Variants in IQSEC1 observed in about 807,000 individuals in gnomAD.
The protein encoded by IQSEC1 is IQ motif and Sec7 domain ArfGEF 1.
A neutral mutation model predicts 91.0 loss-of-function variants in IQSEC1; 31 were observed. The observed-to-expected ratio is 0.34, with a 90% CI of 0.26 to 0.46. IQSEC1 has a LOEUF of 0.46. IQSEC1 is among the 20% of genes least tolerant of loss of function. The pLI, the probability that IQSEC1 is intolerant of heterozygous loss-of-function variation, is 1.00. For synonymous variants in IQSEC1, 699 were observed against 662.6 expected, an observed-to-expected ratio of 1.05 and a Z score of -0.84; for missense variants, 1,388 against 1,575.6, an observed-to-expected ratio of 0.88 and a Z score of 2.02.
At chr3:13,010,197 TC>T (rs1442981585) in intron 1 of IQSEC1, among the ~76,000 whole-genome samples, 5 of 152,142 alleles carry the variant, frequency 3.3e-5, no homozygotes, top group Non-Finnish European at 7.4e-5. Flanking sequence ...AGCCCACAAG[TC>T]TTAGCAGGTC....
At chr3:13,072,844 G>A in intron 1 of IQSEC1, 148 bp downstream of exon 1, 5 of 678,438 alleles carry the variant, frequency 7.4e-6, no homozygotes, top group South Asian at 3.4e-5. Flanking sequence ...GCCGAGCGCC[G>A]GCATCCCTGC....
At position 13,069,013 on chromosome 3, in the gene IQSEC1, C is replaced by A. The variant is rs1039000307; in HGVS notation, c.23+3979G>T. On this transcript the variant is annotated intron_variant, in intron 1 of 13. Transcript: ENST00000613206. ...GAAGGCAGGGAAGTGAAGGCCCAGG[C>A]CTGGTTATGCGGCCTTGGCTGCATA... is the stretch of plus-strand genomic sequence containing the variant. 3.9e-5 allele frequency among the ~76,000 whole-genome samples: 6 copies of A among 152,252 alleles called. No individual in the cohort carries two copies. The East Asian group carries it at 9.6e-4, about 24-fold the overall frequency.
Position 12,908,575 on chromosome 3 carries a change from G to T in IQSEC1, c.2579-50C>A. 2 of 1,597,638 alleles carry T rather than the reference G, an allele frequency of 1.3e-6. No individual in the cohort carries two copies. Among genetic ancestry groups the T allele is most frequent in the African/African-American group, 1.3e-5 (1 of 74,744 alleles). On this transcript the variant is annotated intron_variant, in intron 11 of 13. Transcript: ENST00000613206. The surrounding 1 kb of genome is among the most constrained non-coding windows in gnomAD (Gnocchi z 4.9). Reference sequence around the variant, plus strand: ...TGGTGAGAGGAGCACAGCCTAGAGTGGGCAGGAGACGGGGCCTTCTGCTTG... The same window carrying T: ...TGGTGAGAGGAGCACAGCCTAGAGTTGGCAGGAGACGGGGCCTTCTGCTTG...
chr3:13,222,808 G>A (rs1408490263), intron 1 of IQSEC1, among the ~76,000 whole-genome samples: 1 of 152,170 alleles, frequency 6.6e-6, no homozygotes, highest in Non-Finnish European at 1.5e-5. Flanking sequence ...CGTGTGTGGG[G>A]CCCCAGACCC....
chr3:13,077,823 G>A (rs1269593232), upstream of IQSEC1, among the ~76,000 whole-genome samples: 5 of 152,234 alleles, frequency 3.3e-5, no homozygotes, highest in Non-Finnish European at 7.3e-5. Context: ...TGTCTTGGGG[G>A]AGAAGATCAG....
At chr3:12,905,783 G>T (rs11128625) in intron 12 of IQSEC1, among the ~76,000 whole-genome samples, 2,758 of 152,358 alleles carry the variant, frequency 0.018, 56 homozygotes, top group African/African-American at 0.054. Context: ...GGTCCTCTCC[G>T]TAAGGACTCA....
In IQSEC1 at chr3:13,181,749, A is replaced by C. The variant is rs374603650; in HGVS notation, c.273-17616T>G. Among the ~76,000 whole-genome samples the C allele has an allele frequency of 2.0e-5, 3 of 152,382 alleles. No individual in the cohort carries two copies. The East Asian group carries it at 5.8e-4, about 29-fold the overall frequency. On this transcript the variant is annotated intron_variant, in intron 1 of 15. Coordinates refer to the IQSEC1 transcript ENST00000648114. ...AGCACCTAGCCCAGCAAAAGCCCTC[A>C]GCATATATCTGATGAATGAATTTGT...
intron 1 of IQSEC1, among the ~76,000 whole-genome samples, chr3:13,222,772 A>G (rs1378977159): frequency 9.9e-5 from 15 of 152,152 alleles, no homozygotes; most frequent in Admixed American, 9.8e-4. Context: ...CGATGTGCCA[A>G]TGAGCTCAGG....
At chr3:13,272,233 T>A (rs1695601008) in intron 1 of IQSEC1, among the ~76,000 whole-genome samples, 1 of 152,160 alleles carries the variant, frequency 6.6e-6, no homozygotes, top group Admixed American at 6.5e-5. Flanking sequence ...CCCCCATATA[T>A]ACCATGGAGA....
At chr3:13,198,142 T>C (rs1184190215) in intron 1 of IQSEC1, among the ~76,000 whole-genome samples, 1 of 149,980 alleles carries the variant, frequency 6.7e-6, no homozygotes, top group Admixed American at 6.6e-5. Flanking sequence ...TTTTCTCTAA[T>C]TCTAACAATT....
chr3:13,023,518 G>A (rs1182552388), intron 1 of IQSEC1, among the ~76,000 whole-genome samples: 1 of 152,188 alleles, frequency 6.6e-6, no homozygotes, highest in Non-Finnish European at 1.5e-5. Context: ...ATAGTGGGCA[G>A]CAGAGCTTCC....
At chr3:13,135,330 G>T (rs1706689335) in intron 2 of IQSEC1, among the ~76,000 whole-genome samples, 2 of 152,272 alleles carry the variant, frequency 1.3e-5, no homozygotes, top group African/African-American at 4.8e-5. Context: ...GGCCCTATGG[G>T]TGGGGCTCAG....
rs1056317288 is a variant in IQSEC1 at position 12,898,889 on chromosome 3, C to T, written c.*2094G>A. 1 of 153,480 alleles carries T rather than the reference C, an allele frequency of 6.5e-6. No homozygotes were observed. The highest frequency in any genetic ancestry group is 1.4e-5 in the Non-Finnish European group (1 of 69,080). The allele number at this position is 153,480 out of a possible 1,614,324, so 9.5% of individuals were successfully genotyped here. On this transcript the variant is annotated 3_prime_UTR_variant, in exon 14 of 14. Coordinates refer to ENST00000613206, the MANE Select transcript of IQSEC1 (RefSeq NM_001134382.3). ...AGACAGAGTGCTTTGGGGAGCCTGG[C>T]TTTTAAAAAAGACCCGAGAATTGAT...
At chr3:13,104,534 G>A (rs1371367571) in intron 2 of IQSEC1, among the ~76,000 whole-genome samples, 2 of 152,084 alleles carry the variant, frequency 1.3e-5, no homozygotes, top group Non-Finnish European at 2.9e-5. Flanking sequence ...TTCCACCGCT[G>A]ACCCAGCACT....
chr3:12,900,510 T>C lies in IQSEC1; in HGVS notation c.*473A>G. On this transcript the variant is annotated 3_prime_UTR_variant, in exon 14 of 14. Coordinates refer to ENST00000613206, the MANE Select transcript of IQSEC1 (RefSeq NM_001134382.3). ...TTATATAAAGTTTACTTACGTATTT[T>C]CATCAACCATATCAGGTCTACTTAT... 1 of 884,902 alleles carries C rather than the reference T, an allele frequency of 1.1e-6. No individual in the cohort carries two copies. Among genetic ancestry groups the C allele is most frequent in the Non-Finnish European group, 1.4e-6 (1 of 739,026 alleles). 54.8% of individuals were successfully genotyped at this position (884,902 alleles called of 1,614,324 possible).
At position 13,044,151 on chromosome 3, in the gene IQSEC1, TCA is replaced by T. The variant is rs1440684113; in HGVS notation, c.23+28839_23+28840del. On this transcript the variant is annotated intron_variant, in intron 1 of 13. Transcript: ENST00000613206. ...GTCTCCCACCTCAGGTGGCATTTTCTCAGTGTCATTAGCAAAAATGCTGCTTC... is the reference window on the plus strand; with the variant it reads ...GTCTCCCACCTCAGGTGGCATTTTCTGTGTCATTAGCAAAAATGCTGCTTC... 2.0e-5 allele frequency among the ~76,000 whole-genome samples: 3 copies of T among 152,188 alleles called. No individual in the cohort carries two copies. In the East Asian group the frequency reaches 5.8e-4, roughly 29 times the overall value.
At chr3:13,065,927 C>T (rs1412740657) in intron 1 of IQSEC1, among the ~76,000 whole-genome samples, 1 of 152,068 alleles carries the variant, frequency 6.6e-6, no homozygotes, top group African/African-American at 2.4e-5. Context: ...CTGCCCATTG[C>T]CGCAGCAGGG....
At chr3:13,185,308 C>A (rs760777476) in intron 1 of IQSEC1, among the ~76,000 whole-genome samples, 2 of 152,192 alleles carry the variant, frequency 1.3e-5, no homozygotes, top group Non-Finnish European at 2.9e-5. Context: ...TCAGAGGCTG[C>A]CTCCTCTGAG....
intron 3 of IQSEC1, among the ~76,000 whole-genome samples, chr3:12,931,297 C>T (rs888980003): frequency 2.6e-5 from 4 of 152,172 alleles, no homozygotes; most frequent in Non-Finnish European, 4.4e-5. Flanking sequence ...AAAGACCCAG[C>T]TCAAAGTGCT....
Sources: gnomAD v4.1 joint callset for allele counts (sites outside exome capture counted in the v4.1 genomes callset) on GRCh38, gnomAD v4.1.1 for gene constraint, Gnocchi (gnomAD v3.1) non-coding constraint, MANE v1.5 for transcripts, NCBI Gene and HGNC (gene_info 2026-07-23, HGNC 2026-07-21) for gene names.